MTTP: variants seen among roughly 807,000 people sequenced by gnomAD.
The protein encoded by MTTP is microsomal triglyceride transfer protein large subunit.
A neutral mutation model predicts 90.6 loss-of-function variants in MTTP; 49 were observed. The ratio of observed to expected loss-of-function variants is 0.54; its 90% CI spans 0.43 to 0.69. The LOEUF (loss-of-function observed/expected upper bound fraction) is 0.69. Among genes scored for constraint, MTTP ranks in the 30% least tolerant of loss-of-function variants. The pLI is 0.00. For synonymous variants in MTTP, 347 were observed against 384.2 expected, an observed-to-expected ratio of 0.90 and a Z score of 1.13; for missense variants, 945 against 1,067.5, an observed-to-expected ratio of 0.89 and a Z score of 1.60.
In MTTP at chr4:99,589,599, T is replaced by C. The variant is rs573231344; in HGVS notation, c.394-44T>C. The C allele has an allele frequency of 1.0e-5, 11 of 1,056,236 alleles. No homozygotes were observed. The Admixed American group carries it at 1.9e-4, about 18-fold the overall frequency. The allele number at this position is 1,056,236 out of a possible 1,614,324, so 65.4% of individuals were successfully genotyped here. A position where few individuals can be genotyped will look rare whatever the true frequency, so the allele number is the denominator to read the frequency against. On this transcript the variant is annotated intron_variant, in intron 3 of 17. Transcript: ENST00000265517. Reference sequence around the variant, plus strand: ...ACACTTATTTAAATCTGATAAATGATGCATTTTTGCTTCATTTGTGTTCTG... The same window carrying C: ...ACACTTATTTAAATCTGATAAATGACGCATTTTTGCTTCATTTGTGTTCTG...
intron 15 of MTTP, among the ~76,000 whole-genome samples, chr4:99,614,564 G>A (rs371985818): frequency 6.6e-6 from 1 of 152,200 alleles, no homozygotes; most frequent in African/African-American, 2.4e-5. Flanking sequence ...GTGGTCCAGG[G>A]TTAATATGGA....
At chr4:99,611,310 T>A in intron 13 of MTTP, 22 bp from the exon 14 acceptor site, 1 of 1,614,016 alleles carries the variant, frequency 6.2e-7, no homozygotes, top group Non-Finnish European at 8.5e-7. Context: ...GCTATTAAAT[T>A]ACAGTTATTG....
intron 14 of MTTP, 25 bp from the exon 15 acceptor site, chr4:99,612,888 T>C (rs1414107911): frequency 6.2e-7 from 1 of 1,600,034 alleles, no homozygotes; most frequent in Admixed American, 1.7e-5. Flanking sequence ...GCTTGCGTCA[T>C]GAACATTATA....
intron 15 of MTTP, among the ~76,000 whole-genome samples, chr4:99,618,387 A>G (rs1208644384): frequency 1.3e-5 from 2 of 152,216 alleles, no homozygotes; most frequent in Non-Finnish European, 2.9e-5. Flanking sequence ...GCCACAGCAC[A>G]TAACTAGAGA....
At chr4:99,598,297 T>G (rs1725607268) in intron 8 of MTTP, among the ~76,000 whole-genome samples, 1 of 152,158 alleles carries the variant, frequency 6.6e-6, no homozygotes, top group Non-Finnish European at 1.5e-5. Flanking sequence ...TTAACATTAT[T>G]TTTTATATTT....
intron 1 of MTTP, chr4:99,564,370 G>A: frequency 1.2e-6 from 1 of 856,600 alleles, no homozygotes; most frequent in Admixed American, 3.2e-5. Flanking sequence ...AATTTATACA[G>A]AAAATTACCA....
chr4:99,613,432 C>T (rs1199651231), intron 15 of MTTP, among the ~76,000 whole-genome samples: 1 of 152,182 alleles, frequency 6.6e-6, no homozygotes, highest in African/African-American at 2.4e-5. Context: ...CCACTGTCTC[C>T]TCACTTGGCT....
intron 5 of MTTP, 109 bp from the exon 6 acceptor site, chr4:99,591,542 G>T: frequency 8.0e-7 from 1 of 1,248,984 alleles, no homozygotes; most frequent in East Asian, 2.5e-5. Flanking sequence ...ATGAGGGATG[G>T]GTGTAATGGG....
intron 1 of MTTP, among the ~76,000 whole-genome samples, chr4:99,577,467 T>C (rs944265290): frequency 1.3e-5 from 2 of 151,692 alleles, no homozygotes; most frequent in Non-Finnish European, 2.9e-5. Flanking sequence ...TAGCCAGGCA[T>C]GGTAGCGCAT....
At chr4:99,621,501 G>A (rs1726232835) in intron 17 of MTTP, among the ~76,000 whole-genome samples, 1 of 152,034 alleles carries the variant, frequency 6.6e-6, no homozygotes, top group Non-Finnish European at 1.5e-5. Flanking sequence ...GGAAAGAAAG[G>A]CCTATGATTT....
chr4:99,569,666 T>A (rs189404259), intron 1 of MTTP, among the ~76,000 whole-genome samples: 93 of 152,082 alleles, frequency 6.1e-4, no homozygotes, highest in Middle Eastern at 3.4e-3. Context: ...ATATTCCGTC[T>A]CTCAGGGATA....
At chr4:99,591,818 CT>C in intron 6 of MTTP, 28 bp downstream of exon 6, 1 of 1,538,840 alleles carries the variant, frequency 6.5e-7, no homozygotes. Context: ...TTTTTATTTT[CT>C]TTGCTATTCT....
chr4:99,623,865 T>C lies in MTTP; in HGVS notation c.*1017T>C, dbSNP rs1345254299. 6.6e-6 allele frequency: 1 copy of C among 152,206 alleles called. No individual in the cohort carries two copies. The highest frequency in any genetic ancestry group is 1.5e-5 in the Non-Finnish European group (1 of 68,026). 9.4% of individuals were successfully genotyped at this position (152,206 alleles called of 1,614,324 possible). ...GCAAATATTTATTAATAAACAGATG[T>C]GGTGATAAACCCAAAACAAATGACA... On this transcript the variant is annotated 3_prime_UTR_variant, in exon 18 of 18. Transcript: ENST00000265517.
chr4:99,589,954 T>C (rs1216052167), intron 4 of MTTP, among the ~76,000 whole-genome samples: 1 of 152,152 alleles, frequency 6.6e-6, no homozygotes, highest in Non-Finnish European at 1.5e-5. Flanking sequence ...ATTAGAAATA[T>C]TTATACTAAA....
intron 7 of MTTP, among the ~76,000 whole-genome samples, chr4:99,596,787 G>C (rs1725563668): frequency 6.6e-6 from 1 of 152,106 alleles, no homozygotes; most frequent in African/African-American, 2.4e-5. Flanking sequence ...GCCGTGAAAT[G>C]ACCTATATAC....
intron 1 of MTTP, among the ~76,000 whole-genome samples, chr4:99,576,421 C>T (rs11947558): frequency 0.26 from 39,798 of 151,942 alleles, 5,380 homozygotes; most frequent in South Asian, 0.35. Flanking sequence ...TAAGGCCGGG[C>T]GTGGTGGCTC....
intron 3 of MTTP, 127 bp downstream of exon 3, chr4:99,583,644 A>G (rs1212889363): frequency 1.0e-5 from 12 of 1,149,986 alleles, no homozygotes; most frequent in Admixed American, 7.6e-5. Context: ...TTCAAGAACT[A>G]AAGAACAGAG....
upstream of MTTP, among the ~76,000 whole-genome samples, chr4:99,571,677 C>T (rs908033522): frequency 6.6e-6 from 1 of 151,780 alleles, no homozygotes; most frequent in African/African-American, 2.4e-5. Context: ...TTTATTTTCT[C>T]GTAGAGAATT....
intron 2 of MTTP, among the ~76,000 whole-genome samples, chr4:99,582,420 T>A (rs550558303): frequency 6.6e-6 from 1 of 152,302 alleles, no homozygotes; most frequent in East Asian, 1.9e-4. Flanking sequence ...CCATGTTGTA[T>A]GAAAAACAAT....
Sources: gnomAD v4.1 joint callset for allele counts (sites outside exome capture counted in the v4.1 genomes callset) on GRCh38, gnomAD v4.1.1 for gene constraint, MANE v1.5 for transcripts, NCBI Gene and HGNC (gene_info 2026-07-23, HGNC 2026-07-21) for gene names.